Variants in CORO2B observed in about 807,000 individuals in gnomAD.
CORO2B encodes the protein coronin-2B.
CORO2B carries 26 observed loss-of-function variants against 58.8 expected under a neutral mutation model. The observed-to-expected ratio is 0.44, with a 90% CI of 0.32 to 0.61. The LOEUF (loss-of-function observed/expected upper bound fraction) is 0.61, where lower values mean the gene tolerates loss of function less well. Ranked by LOEUF, CORO2B falls within the 20% of genes least tolerant of loss-of-function variation. The probability of loss-of-function intolerance (pLI) is 0.04; values close to 1 mark genes in which losing one functional copy is unlikely to be tolerated. For synonymous variants in CORO2B, 242 were observed against 253.8 expected (o/e 0.95, Z 0.44); for missense variants, 460 against 645.1 (o/e 0.71, Z 3.11).
chr15:68,682,039 C>T (rs1307132872), intron 2 of CORO2B, among the ~76,000 whole-genome samples: 4 of 152,024 alleles, frequency 2.6e-5, no homozygotes, highest in Non-Finnish European at 5.9e-5. Context: ...ATTGGCCAAA[C>T]CCAGTCCCAT....
chr15:68,576,040 C>T (rs1255841217), upstream of CORO2B, among the ~76,000 whole-genome samples: 1 of 149,122 alleles, frequency 6.7e-6, no homozygotes, highest in Non-Finnish European at 1.5e-5. Flanking sequence ...GTAGTCCCAG[C>T]TACTCAGGAG....
chr15:68,651,845 T>C (rs1442114971), intron 2 of CORO2B, among the ~76,000 whole-genome samples: 1 of 152,224 alleles, frequency 6.6e-6, no homozygotes, highest in African/African-American at 2.4e-5. Context: ...CTCTCCTTGC[T>C]CCATTTCCTT....
At chr15:68,609,281 C>G (rs1187691061) in intron 1 of CORO2B, among the ~76,000 whole-genome samples, 1 of 152,178 alleles carries the variant, frequency 6.6e-6, no homozygotes, top group African/African-American at 2.4e-5. Context: ...AGAATTTGTC[C>G]TGCCCCATTC....
At chr15:68,667,865 G>A (rs138515669) in intron 2 of CORO2B, among the ~76,000 whole-genome samples, 1 of 152,278 alleles carries the variant, frequency 6.6e-6, no homozygotes, top group African/African-American at 2.4e-5. Flanking sequence ...GAAGACCATG[G>A]GCTTCGGGAC....
chr15:68,526,183 A>G, the CORO2B span, among the ~76,000 whole-genome samples: 1 of 152,090 alleles, frequency 6.6e-6, no homozygotes, highest in Non-Finnish European at 1.5e-5. Flanking sequence ...ATGCATGTAC[A>G]TTTTGGTTGG....
chr15:68,531,593 A>AGAAG, the CORO2B span, among the ~76,000 whole-genome samples: 6 of 148,868 alleles, frequency 4.0e-5, no homozygotes, highest in South Asian at 2.1e-4. Flanking sequence ...AGAGAAAGAA[A>AGAAG]GAAGGAAGGA....
chr15:68,651,231 C>T (rs370497954), intron 2 of CORO2B, among the ~76,000 whole-genome samples: 67 of 152,320 alleles, frequency 4.4e-4, no homozygotes, highest in African/African-American at 1.6e-3. Context: ...GCGCCGGCTT[C>T]CCCTGCCGCC....
At chr15:68,619,982 A>C (rs1038647620) in intron 1 of CORO2B, among the ~76,000 whole-genome samples, 22 of 151,804 alleles carry the variant, frequency 1.4e-4, no homozygotes, top group African/African-American at 5.3e-4. Context: ...CACAGTCTTG[A>C]CTCACTGCAG....
At chr15:68,536,391 G>A in the CORO2B span, among the ~76,000 whole-genome samples, 3 of 152,206 alleles carry the variant, frequency 2.0e-5, no homozygotes, top group Admixed American at 6.5e-5. Context: ...GGAATCTTAT[G>A]TGACTTTGGA....
At chr15:68,583,881 T>TG (rs1382634241) in intron 1 of CORO2B, among the ~76,000 whole-genome samples, 1 of 152,156 alleles carries the variant, frequency 6.6e-6, no homozygotes, top group African/African-American at 2.4e-5. Flanking sequence ...GGAGCCCACT[T>TG]GCGGGTGGGC....
intron 2 of CORO2B, among the ~76,000 whole-genome samples, chr15:68,663,392 T>C (rs985809355): frequency 1.3e-5 from 2 of 152,220 alleles, no homozygotes; most frequent in Admixed American, 6.5e-5. Flanking sequence ...TTCATGTGCA[T>C]GCAGGTACGT....
At chr15:68,560,354 G>A in the CORO2B span, among the ~76,000 whole-genome samples, 2 of 150,470 alleles carry the variant, frequency 1.3e-5, no homozygotes, top group African/African-American at 4.9e-5. Flanking sequence ...GAGTGCAGTG[G>A]TGCAATCATG....
intron 1 of CORO2B, among the ~76,000 whole-genome samples, chr15:68,631,415 G>A (rs1046391846): frequency 6.6e-6 from 1 of 152,200 alleles, no homozygotes; most frequent in Non-Finnish European, 1.5e-5. Context: ...GAGAACACAA[G>A]CTCCAAAAAG....
chr15:68,522,661 A>G, the CORO2B span, among the ~76,000 whole-genome samples: 2 of 152,198 alleles, frequency 1.3e-5, no homozygotes, highest in Middle Eastern at 3.4e-3. Flanking sequence ...TGATGGTCAG[A>G]CTGGTTTCAT....
chr15:68,612,259 AG>A, intron 1 of CORO2B, among the ~76,000 whole-genome samples: 1 of 152,370 alleles, frequency 6.6e-6, no homozygotes, highest in East Asian at 1.9e-4. Flanking sequence ...GGAAGGATAA[AG>A]ATGGGCACTA....
At chr15:68,603,126 A>T (rs1900024407) in intron 1 of CORO2B, among the ~76,000 whole-genome samples, 1 of 152,106 alleles carries the variant, frequency 6.6e-6, no homozygotes, top group South Asian at 2.1e-4. Flanking sequence ...ACAGATGGAG[A>T]GAGAAGTGGG....
chr15:68,697,006 G>T (rs1420491109), intron 3 of CORO2B, among the ~76,000 whole-genome samples: 2 of 152,256 alleles, frequency 1.3e-5, no homozygotes, highest in African/African-American at 4.8e-5. Flanking sequence ...CCTGGGAGCA[G>T]AGACCACAGC....
chr15:68,573,236 G>A, the CORO2B span, among the ~76,000 whole-genome samples: 1 of 152,132 alleles, frequency 6.6e-6, no homozygotes, highest in African/African-American at 2.4e-5. Flanking sequence ...TATGTGCATT[G>A]TACAGAGGCC....
intron 1 of CORO2B, among the ~76,000 whole-genome samples, chr15:68,610,198 G>GC (rs1462853998): frequency 3.3e-5 from 5 of 152,280 alleles, no homozygotes; most frequent in African/African-American, 1.2e-4. Flanking sequence ...AGTGTCAGCA[G>GC]CCCTCACTAA....
Sources: allele counts gnomAD v4.1 joint callset (sites outside exome capture counted in the v4.1 genomes callset), GRCh38; gene constraint gnomAD v4.1.1; transcripts MANE v1.5; gene names NCBI Gene and HGNC (gene_info 2026-07-23, HGNC 2026-07-21).